The following PIK3AP1 variants were observed in gnomAD, a reference collection of about 807,000 sequenced individuals.
PIK3AP1 encodes phosphoinositide 3-kinase adapter protein 1.
In PIK3AP1, 21 loss-of-function variants were observed where a neutral mutation model predicts 88.1. That is an observed-to-expected ratio of 0.24 (90% CI 0.17 to 0.34). The LOEUF is 0.34. Ranked by LOEUF, PIK3AP1 falls within the 10% of genes least tolerant of loss-of-function variation. The pLI is 1.00. For synonymous variants in PIK3AP1, 398 were observed against 400.0 expected (o/e 1.00, Z 0.06); for missense variants, 828 against 1,035.7 (o/e 0.80, Z 2.75).
chr10:96,652,665 C>A (rs1304064169), intron 4 of PIK3AP1, 33 bp downstream of exon 4: 1 of 1,609,826 alleles, frequency 6.2e-7, no homozygotes, highest in Non-Finnish European at 8.5e-7. Flanking sequence ...GCAATGAAGC[C>A]CTATGTCATC....
chr10:96,660,404 G>A (rs1245277511), intron 2 of PIK3AP1, among the ~76,000 whole-genome samples: 9 of 152,076 alleles, frequency 5.9e-5, no homozygotes, highest in African/African-American at 1.9e-4. Flanking sequence ...TCAGGGAAAC[G>A]CAAATTAAAA....
At position 96,656,810 on chromosome 10, in the gene PIK3AP1, G is replaced by A; in HGVS notation, c.555C>T (p.Arg185=). The A allele has an allele frequency of 1.2e-6, 2 of 1,614,028 alleles. No individual in the cohort carries two copies. The highest frequency in any genetic ancestry group is 2.2e-5 in the East Asian group (1 of 44,886). Residue 185 remains arginine (R), a synonymous_variant, in exon 3 of 17, where the codon CGC becomes CGT. Coordinates refer to ENST00000339364, the MANE Select transcript of PIK3AP1 (RefSeq NM_152309.3). ...CAGCAGTGCCTACCCCACAGCGAAT[G>A]CGGTCCGGCTGCACCACCATCAGGT... is the stretch of plus-strand genomic sequence containing the variant. ...PGNLMVVQPD[R]IRCGAETTVY...
At chr10:96,649,651 C>T (rs1308985448) in intron 6 of PIK3AP1, among the ~76,000 whole-genome samples, 1 of 152,206 alleles carries the variant, frequency 6.6e-6, no homozygotes, top group Non-Finnish European at 1.5e-5. Context: ...TTTCCGCTGC[C>T]TTTAGTTCTC....
intron 7 of PIK3AP1, among the ~76,000 whole-genome samples, chr10:96,647,287 G>T (rs1843473248): frequency 6.6e-6 from 1 of 152,220 alleles, no homozygotes; most frequent in South Asian, 2.1e-4. Context: ...TGAATAGTCT[G>T]TGGCCCTAAG....
intron 1 of PIK3AP1, among the ~76,000 whole-genome samples, chr10:96,717,702 C>T (rs1844520687): frequency 6.6e-6 from 1 of 152,144 alleles, no homozygotes; most frequent in Non-Finnish European, 1.5e-5. Context: ...GAGTACTAGT[C>T]TTTCTTCACC....
At chr10:96,631,397 C>T (rs887927114) in intron 8 of PIK3AP1, among the ~76,000 whole-genome samples, 11 of 151,990 alleles carry the variant, frequency 7.2e-5, no homozygotes, top group African/African-American at 2.7e-4. Context: ...ATTTGCATGT[C>T]GGAGAGGTAG....
At chr10:96,708,931 G>C (rs1844401604) in intron 2 of PIK3AP1, among the ~76,000 whole-genome samples, 1 of 152,002 alleles carries the variant, frequency 6.6e-6, no homozygotes, top group Non-Finnish European at 1.5e-5. Context: ...AGGAGTTCAA[G>C]ATCAGCCTGA....
At chr10:96,655,362 C>T (rs1384642905) in intron 3 of PIK3AP1, among the ~76,000 whole-genome samples, 3 of 152,150 alleles carry the variant, frequency 2.0e-5, no homozygotes, top group Admixed American at 6.5e-5. Flanking sequence ...AAAAAATTAG[C>T]CAGGCATGGT....
chr10:96,647,884 T>G (rs1036158767), intron 7 of PIK3AP1, among the ~76,000 whole-genome samples: 1 of 152,174 alleles, frequency 6.6e-6, no homozygotes, highest in Non-Finnish European at 1.5e-5. Flanking sequence ...GAAGAGCAGC[T>G]GCTTCCTAGG....
rs1282966751 is a variant in PIK3AP1 at position 96,609,466 on chromosome 10, A to G, written c.2170+246T>C. On this transcript the variant is annotated intron_variant, in intron 14 of 16. Transcript: ENST00000339364. Reference sequence around the variant, plus strand: ...AGTAAATGCTCAATAAATGTTACCTATTAGTATTAGGTTTTGATATTTAGA... The same window carrying G: ...AGTAAATGCTCAATAAATGTTACCTGTTAGTATTAGGTTTTGATATTTAGA... Among the ~76,000 whole-genome samples the G allele has an allele frequency of 2.6e-5, 4 of 152,240 alleles. 1 individual carries two copies. The highest frequency in any genetic ancestry group is 7.2e-5 in the African/African-American group (3 of 41,456).
chr10:96,620,617 G>A, intron 11 of PIK3AP1, 60 bp from the exon 12 acceptor site: 1 of 1,470,952 alleles, frequency 6.8e-7, no homozygotes, highest in Non-Finnish European at 9.4e-7. Context: ...CTCACCAGAA[G>A]TGTACGGTTA....
intron 2 of PIK3AP1, among the ~76,000 whole-genome samples, chr10:96,670,211 A>G (rs1351525449): frequency 6.6e-6 from 1 of 151,932 alleles, no homozygotes; most frequent in Non-Finnish European, 1.5e-5. Context: ...CTTGCACATG[A>G]AAAATTCAGA....
At chr10:96,692,763 G>A (rs1844171297) in intron 2 of PIK3AP1, among the ~76,000 whole-genome samples, 1 of 152,088 alleles carries the variant, frequency 6.6e-6, no homozygotes, top group Admixed American at 6.6e-5. Flanking sequence ...TGCAGAATTA[G>A]CCTATAGCTG....
At chr10:96,687,151 G>T (rs1259057257) in intron 2 of PIK3AP1, among the ~76,000 whole-genome samples, 1 of 150,968 alleles carries the variant, frequency 6.6e-6, no homozygotes, top group Admixed American at 6.6e-5. Context: ...AGCTACTCGG[G>T]AGGCTGAGGC....
intron 7 of PIK3AP1, among the ~76,000 whole-genome samples, chr10:96,647,717 G>C (rs1843479110): frequency 6.6e-6 from 1 of 152,200 alleles, no homozygotes; most frequent in South Asian, 2.1e-4. Context: ...TTTCTGGGGA[G>C]ATATCAGGCT....
chr10:96,709,228 G>A (rs905025965), intron 2 of PIK3AP1, among the ~76,000 whole-genome samples: 1 of 151,328 alleles, frequency 6.6e-6, no homozygotes, highest in Non-Finnish European at 1.5e-5. Flanking sequence ...GGGCAGTCTT[G>A]TTCCTCACAC....
At chr10:96,715,628 T>C (rs768137147) in intron 1 of PIK3AP1, among the ~76,000 whole-genome samples, 2 of 152,292 alleles carry the variant, frequency 1.3e-5, no homozygotes, top group African/African-American at 2.4e-5. Flanking sequence ...CGGTGGCTCA[T>C]GCCTGTAATC....
chr10:96,665,711 T>C (rs891397888), intron 2 of PIK3AP1, among the ~76,000 whole-genome samples: 6 of 152,206 alleles, frequency 3.9e-5, no homozygotes, highest in African/African-American at 1.4e-4. Context: ...TGTGTTTGTG[T>C]CTGCAATCTC....
chr10:96,595,765 T>A lies in PIK3AP1; in HGVS notation c.2361-131A>T. The A allele has an allele frequency of 4.8e-6, 4 of 834,322 alleles. No individual in the cohort carries two copies. The South Asian group carries it at 6.4e-5, about 13-fold the overall frequency. 51.7% of individuals were successfully genotyped at this position (834,322 alleles called of 1,614,324 possible). A position where few individuals can be genotyped will look rare whatever the true frequency, so the allele number is the denominator to read the frequency against. On this transcript the variant is annotated intron_variant, in intron 16 of 16. Transcript: ENST00000339364. ...TCCTCAATGAGACAGGACACACATATGAATGTATGAGTGACACGCATGCTA... is the reference window on the plus strand; with the variant it reads ...TCCTCAATGAGACAGGACACACATAAGAATGTATGAGTGACACGCATGCTA...
Sources: allele counts gnomAD v4.1 joint callset (sites outside exome capture counted in the v4.1 genomes callset), GRCh38; gene constraint gnomAD v4.1.1; transcripts MANE v1.5; gene names NCBI Gene and HGNC (gene_info 2026-07-23, HGNC 2026-07-21).